Variants in FHIT observed in about 807,000 individuals in gnomAD.
FHIT encodes bis(5'-adenosyl)-triphosphatase.
FHIT carries 19 observed loss-of-function variants against 17.9 expected under a neutral mutation model. That is an observed-to-expected ratio of 1.06 (90% CI 0.74 to 1.56). FHIT has a LOEUF of 1.56. FHIT is among the 40% of genes most tolerant of loss of function. FHIT has a pLI of 0.00. For synonymous variants in FHIT, 81 were observed against 69.7 expected (o/e 1.16, Z -0.81); for missense variants, 248 against 189.2 (o/e 1.31, Z -1.82).
At chr3:61,235,657 G>C (rs1055844349) in intron 1 of FHIT, among the ~76,000 whole-genome samples, 2 of 151,870 alleles carry the variant, frequency 1.3e-5, no homozygotes, top group African/African-American at 4.8e-5. Flanking sequence ...AGCCAAGATT[G>C]CGCCACTGCA....
intron 5 of FHIT, among the ~76,000 whole-genome samples, chr3:60,074,246 T>C (rs1364739984): frequency 6.6e-6 from 1 of 152,074 alleles, no homozygotes; most frequent in Non-Finnish European, 1.5e-5. Flanking sequence ...ATGAGTTTTA[T>C]GAAACAGTTA....
At chr3:60,227,633 C>T (rs552009174) in intron 5 of FHIT, among the ~76,000 whole-genome samples, 12 of 152,224 alleles carry the variant, frequency 7.9e-5, no homozygotes, top group South Asian at 2.1e-4. Flanking sequence ...CATTTACCTC[C>T]AATTAGGTAA....
intron 7 of FHIT, among the ~76,000 whole-genome samples, chr3:59,949,709 G>A (rs1575749712): frequency 1.3e-5 from 2 of 152,274 alleles, no homozygotes; most frequent in Middle Eastern, 3.4e-3. Flanking sequence ...CTCACATTTG[G>A]CTAATTAAGA....
At chr3:60,955,633 T>TATATATATATATATATATAC (rs1272864632) in intron 3 of FHIT, among the ~76,000 whole-genome samples, 6 of 39,536 alleles carry the variant, frequency 1.5e-4, no homozygotes, top group African/African-American at 4.0e-4. Flanking sequence ...TATATATATA[T>TATATATATATATATATATAC]ACACACACAC....
intron 7 of FHIT, among the ~76,000 whole-genome samples, chr3:60,005,940 T>A (rs907627852): frequency 1.3e-5 from 2 of 152,184 alleles, no homozygotes; most frequent in African/African-American, 4.8e-5. Flanking sequence ...GTGCTTCTTA[T>A]CACTCCTTTA....
intron 5 of FHIT, among the ~76,000 whole-genome samples, chr3:60,500,771 T>TA (rs71092606): frequency 0.18 from 11,938 of 64,744 alleles, 1,503 homozygotes; most frequent in East Asian, 0.33. Flanking sequence ...AGCATCCATC[T>TA]AAAAAAAAAA....
At chr3:61,100,463 A>G (rs972223326) in intron 2 of FHIT, among the ~76,000 whole-genome samples, 9 of 152,094 alleles carry the variant, frequency 5.9e-5, no homozygotes, top group South Asian at 2.1e-4. Flanking sequence ...TCTATCATTG[A>G]TGGGCATTTG....
intron 5 of FHIT, among the ~76,000 whole-genome samples, chr3:60,070,639 C>G (rs2106971106): frequency 6.6e-6 from 1 of 152,184 alleles, no homozygotes; most frequent in Admixed American, 6.5e-5. Context: ...CCAGTGGGTT[C>G]CAACTGCTCA....
At position 60,590,394 on chromosome 3, in the gene FHIT, C is replaced by A. The variant is rs561984556; in HGVS notation, c.-17-53415G>T. ...CTTGCCCACCACTTTTACACTCCACCCCCAGAGAATAACAGACAACATGCT... is the reference window on the plus strand; with the variant it reads ...CTTGCCCACCACTTTTACACTCCACACCCAGAGAATAACAGACAACATGCT... On this transcript the variant is annotated intron_variant, in intron 4 of 9. Coordinates refer to ENST00000492590, the MANE Select transcript of FHIT (RefSeq NM_002012.4). 2.0e-5 allele frequency among the ~76,000 whole-genome samples: 3 copies of A among 152,116 alleles called. No individual in the cohort carries two copies. In the South Asian group the frequency reaches 6.2e-4, roughly 32 times the overall value.
intron 5 of FHIT, among the ~76,000 whole-genome samples, chr3:60,158,595 A>G (rs961736109): frequency 2.6e-5 from 4 of 152,162 alleles, no homozygotes; most frequent in African/African-American, 9.7e-5. Flanking sequence ...TACAGGCGTA[A>G]GCCACCGCGC....
chr3:59,855,416 C>G (rs1702113272), intron 8 of FHIT, among the ~76,000 whole-genome samples: 1 of 152,152 alleles, frequency 6.6e-6, no homozygotes, highest in African/African-American at 2.4e-5. Flanking sequence ...TCCTAACATG[C>G]TTTATAATCT....
intron 5 of FHIT, among the ~76,000 whole-genome samples, chr3:60,118,180 C>A (rs1318271236): frequency 6.6e-6 from 1 of 152,114 alleles, no homozygotes; most frequent in Non-Finnish European, 1.5e-5. Flanking sequence ...AATAATGTCT[C>A]ACCGTAGCCT....
At chr3:61,161,921 G>A (rs149675333) in intron 2 of FHIT, among the ~76,000 whole-genome samples, 9 of 152,274 alleles carry the variant, frequency 5.9e-5, no homozygotes, top group African/African-American at 1.9e-4. Flanking sequence ...AAAACAAGGT[G>A]TCTACACTGA....
At chr3:60,159,438 T>C (rs17062372) in intron 5 of FHIT, among the ~76,000 whole-genome samples, 10,827 of 152,162 alleles carry the variant, frequency 0.071, 645 homozygotes, top group East Asian at 0.32. Flanking sequence ...GTTTTTTATA[T>C]AGAAAGGGTA....
At chr3:59,848,011 A>G (rs1458954285) in intron 8 of FHIT, among the ~76,000 whole-genome samples, 2 of 152,212 alleles carry the variant, frequency 1.3e-5, no homozygotes, top group African/African-American at 4.8e-5. Flanking sequence ...AGAGGAAGGT[A>G]CAACAATAAT....
chr3:60,208,934 C>G (rs1410749812), intron 5 of FHIT, among the ~76,000 whole-genome samples: 1 of 152,122 alleles, frequency 6.6e-6, no homozygotes, highest in Admixed American at 6.5e-5. Flanking sequence ...AGGTACAGAA[C>G]TAGGTGGCAT....
chr3:59,873,934 A>C (rs538218055), intron 8 of FHIT, among the ~76,000 whole-genome samples: 11 of 152,286 alleles, frequency 7.2e-5, no homozygotes, highest in South Asian at 4.2e-4. Context: ...GAAAGCAACA[A>C]ATTAGTATGA....
At chr3:60,949,733 T>A (rs1242049431) in intron 3 of FHIT, among the ~76,000 whole-genome samples, 2 of 152,200 alleles carry the variant, frequency 1.3e-5, no homozygotes, top group Non-Finnish European at 2.9e-5. Context: ...AATATCTGCT[T>A]ATTTATTTAC....
At chr3:59,785,797 G>A (rs878934214) in intron 8 of FHIT, among the ~76,000 whole-genome samples, 3 of 152,316 alleles carry the variant, frequency 2.0e-5, no homozygotes, top group Admixed American at 1.3e-4. Flanking sequence ...ACGTCCTTCA[G>A]CCAGGCTAAG....
Sources: allele counts gnomAD v4.1 joint callset (sites outside exome capture counted in the v4.1 genomes callset), GRCh38; gene constraint gnomAD v4.1.1; transcripts MANE v1.5; gene names NCBI Gene and HGNC (gene_info 2026-07-23, HGNC 2026-07-21).